The following KCNAB2 variants were observed in gnomAD, a reference collection of about 807,000 sequenced individuals.
The protein encoded by KCNAB2 is voltage-gated potassium channel subunit beta-2.
A neutral mutation model predicts 63.6 loss-of-function variants in KCNAB2; 29 were observed. The observed-to-expected ratio is 0.46, with a 90% CI of 0.34 to 0.62. The LOEUF (loss-of-function observed/expected upper bound fraction) is 0.62. Among genes scored for constraint, KCNAB2 ranks in the 20% least tolerant of loss-of-function variants. The probability of loss-of-function intolerance (pLI) is 0.01; values close to 1 mark genes in which losing one functional copy is unlikely to be tolerated. For synonymous variants in KCNAB2, 222 were observed against 224.2 expected, an observed-to-expected ratio of 0.99 and a Z score of 0.09; for missense variants, 359 against 563.9, an observed-to-expected ratio of 0.64 and a Z score of 3.68.
rs1207445497 is a variant in KCNAB2, at chr1:6,028,561, C to T, written c.-52-11956C>T. Among the ~76,000 whole-genome samples, 1 of 152,192 alleles carries T rather than the reference C, an allele frequency of 6.6e-6. No individual in the cohort carries two copies. Among genetic ancestry groups the T allele is most frequent in the Non-Finnish European group, 1.5e-5 (1 of 68,026 alleles). On this transcript the variant is annotated intron_variant, in intron 1 of 16. Transcript: ENST00000341524. This position sits in a 1 kb window ranked among gnomAD's most constrained non-coding sequence, Gnocchi z 4.0. ...AGCCCCCCTCTCTCCATCCCTTCTG[C>T]GATGTTCACTAGGCATTACCACATG...
At chr1:6,085,058 T>A in intron 5 of KCNAB2, 146 bp from the exon 6 acceptor site, 1 of 777,420 alleles carries the variant, frequency 1.3e-6, no homozygotes, top group Non-Finnish European at 2.3e-6. Flanking sequence ...TGGAATGAGC[T>A]ACTGAGCCAA....
chr1:6,077,452 C>G (rs1663760280), intron 4 of KCNAB2, among the ~76,000 whole-genome samples: 2 of 152,228 alleles, frequency 1.3e-5, no homozygotes, highest in Non-Finnish European at 2.9e-5. Context: ...AGGCGCCACC[C>G]TGGATGTAGC....
intron 1 of KCNAB2, among the ~76,000 whole-genome samples, chr1:6,000,788 G>T (rs191745129): frequency 6.6e-6 from 1 of 152,300 alleles, no homozygotes; most frequent in Non-Finnish European, 1.5e-5. Context: ...CCTCTCCAGG[G>T]CAGTGCTACA....
At chr1:5,995,409 G>A (rs1401317326) in intron 1 of KCNAB2, among the ~76,000 whole-genome samples, 1 of 152,234 alleles carries the variant, frequency 6.6e-6, no homozygotes, top group Non-Finnish European at 1.5e-5. Context: ...CCGAGCTGGG[G>A]GAAGCCAGCA....
chr1:6,096,805 C>A lies in KCNAB2; in HGVS notation c.1069+49C>A. The A allele has an allele frequency of 7.3e-6, 11 of 1,504,950 alleles. No homozygotes were observed. Among genetic ancestry groups the A allele is most frequent in the Non-Finnish European group, 9.8e-6 (11 of 1,119,496 alleles). The allele number at this position is 1,504,950 out of a possible 1,614,324, so 93.2% of individuals were successfully genotyped here. A position where few individuals can be genotyped will look rare whatever the true frequency, so the allele number is the denominator to read the frequency against. On this transcript the variant is annotated intron_variant, in intron 14 of 15. Coordinates refer to ENST00000378083, the MANE Select transcript of KCNAB2 (RefSeq NM_001199862.2). The surrounding 1 kb of genome is among the most constrained non-coding windows in gnomAD (Gnocchi z 5.9). Reference sequence around the variant, plus strand: ...CCAGTGCCCCTGGGGAGAACCTGCCCCAGCTGGCCGTAGGTAACAGGGTGG... The same window carrying A: ...CCAGTGCCCCTGGGGAGAACCTGCCACAGCTGGCCGTAGGTAACAGGGTGG...
chr1:6,086,337 C>T lies in KCNAB2; in HGVS notation c.425+1089C>T. ...TGATCCCAAAACAAATTCCTCCTCA[C>T]CCTGTAATTAAACGAAATTGCACGT... On this transcript the variant is annotated intron_variant, in intron 6 of 15. Transcript: ENST00000378083. The surrounding 1 kb of genome is among the most constrained non-coding windows in gnomAD (Gnocchi z 4.2). 1 of 985,296 alleles carries T rather than the reference C, an allele frequency of 1.0e-6. No individual in the cohort carries two copies. Among genetic ancestry groups the T allele is most frequent in the Non-Finnish European group, 1.2e-6 (1 of 829,896 alleles). The allele number at this position is 985,296 out of a possible 1,614,324, so 61.0% of individuals were successfully genotyped here. A position where few individuals can be genotyped will look rare whatever the true frequency, so the allele number is the denominator to read the frequency against.
intron 1 of KCNAB2, 22 bp from the exon 2 acceptor site, chr1:6,051,489 T>G: frequency 6.8e-7 from 1 of 1,473,968 alleles, no homozygotes; most frequent in African/African-American, 1.4e-5. Flanking sequence ...GCACACTGTC[T>G]AACTCATCAC....
chr1:6,042,467 G>A (rs1660573096), upstream of KCNAB2, among the ~76,000 whole-genome samples: 1 of 152,238 alleles, frequency 6.6e-6, no homozygotes, highest in Non-Finnish European at 1.5e-5. Flanking sequence ...CAAGATGCCA[G>A]GCTTAGGGCC....
At chr1:6,077,093 G>A (rs2100682244) in intron 4 of KCNAB2, among the ~76,000 whole-genome samples, 1 of 152,264 alleles carries the variant, frequency 6.6e-6, no homozygotes, top group Non-Finnish European at 1.5e-5. Context: ...GGCTGAGGCA[G>A]GAGAATTGCT....
At chr1:5,993,428 C>A (rs1262166927) in intron 1 of KCNAB2, among the ~76,000 whole-genome samples, 1 of 152,130 alleles carries the variant, frequency 6.6e-6, no homozygotes, top group Non-Finnish European at 1.5e-5. Context: ...GCACACACAC[C>A]GCCACTTCTG....
chr1:6,087,513 T>C lies in KCNAB2; in HGVS notation c.470+2T>C. On this transcript the variant is annotated splice_donor_variant, in intron 7 of 15. Transcript: ENST00000378083. LOFTEE classifies it high-confidence loss of function. The surrounding 1 kb of genome is among the most constrained non-coding windows in gnomAD (Gnocchi z 6.4). The stretch of plus-strand genomic sequence containing the variant: ...CACCAAGATCTTCTGGGGCGGAAAG[T>C]AGGTGCAACAGCTGGCGATGCTTCC... The C allele has an allele frequency of 6.2e-7, 1 of 1,613,950 alleles. No homozygotes were observed. Among genetic ancestry groups the C allele is most frequent in the Non-Finnish European group, 8.5e-7 (1 of 1,179,944 alleles).
At chr1:6,094,596 G>C in intron 11 of KCNAB2, 111 bp downstream of exon 11, 2 of 810,872 alleles carry the variant, frequency 2.5e-6, no homozygotes, top group Non-Finnish European at 4.0e-6. Context: ...CAACTGCACC[G>C]ATGCCTGGGT....
At chr1:6,059,487 G>A (rs970846717) in intron 2 of KCNAB2, among the ~76,000 whole-genome samples, 3 of 152,178 alleles carry the variant, frequency 2.0e-5, no homozygotes, top group Admixed American at 2.0e-4. Flanking sequence ...ACTGTGCCCA[G>A]CCACACCTGT....
intron 10 of KCNAB2, among the ~76,000 whole-genome samples, chr1:6,093,565 C>T (rs985330441): frequency 1.3e-5 from 2 of 152,246 alleles, no homozygotes; most frequent in Non-Finnish European, 2.9e-5. Flanking sequence ...ATTTCATCCT[C>T]AGGGCCTTAG....
intron 1 of KCNAB2, among the ~76,000 whole-genome samples, chr1:6,037,769 G>A (rs1330269497): frequency 3.3e-5 from 5 of 151,950 alleles, no homozygotes; most frequent in African/African-American, 1.2e-4. Flanking sequence ...CAGCCCCCCA[G>A]TGCTGCAGGG....
At chr1:6,054,498 C>T (rs146829798) in intron 2 of KCNAB2, among the ~76,000 whole-genome samples, 1 of 152,080 alleles carries the variant, frequency 6.6e-6, no homozygotes, top group African/African-American at 2.4e-5. Flanking sequence ...GTCGTGGTGG[C>T]GGGCACCTGT....
At chr1:6,041,284 G>A (rs1660478516), upstream of KCNAB2, 1 of 163,778 alleles carries the variant, frequency 6.1e-6, no homozygotes, top group Admixed American at 6.0e-5. Flanking sequence ...AAAGACGCAG[G>A]CACAGGCAGT....
In KCNAB2 at chr1:6,096,455, A is replaced by T; in HGVS notation, c.949-181A>T. Reference sequence around the variant, plus strand: ...TCATCCACCAGCCCGTGCCCGGCCCACTGCCCACTCTCCCCTACTTGAGAG... The same window carrying T: ...TCATCCACCAGCCCGTGCCCGGCCCTCTGCCCACTCTCCCCTACTTGAGAG... On this transcript the variant is annotated intron_variant, in intron 13 of 15. Coordinates refer to ENST00000378083, the MANE Select transcript of KCNAB2 (RefSeq NM_001199862.2). This position sits in a 1 kb window ranked among gnomAD's most constrained non-coding sequence, Gnocchi z 5.9. The T allele has an allele frequency of 1.3e-6, 1 of 791,312 alleles. No homozygotes were observed. The highest frequency in any genetic ancestry group is 2.0e-6 in the Non-Finnish European group (1 of 506,288). 49.0% of individuals were successfully genotyped at this position (791,312 alleles called of 1,614,324 possible). A position where few individuals can be genotyped will look rare whatever the true frequency, so the allele number is the denominator to read the frequency against.
At chr1:6,011,220 G>T (rs575793567) in intron 1 of KCNAB2, among the ~76,000 whole-genome samples, 1 of 152,356 alleles carries the variant, frequency 6.6e-6, no homozygotes, top group South Asian at 2.1e-4. Flanking sequence ...AGGGAAACAG[G>T]CAGGCAGCTG....
Sources: allele counts gnomAD v4.1 joint callset (sites outside exome capture counted in the v4.1 genomes callset), GRCh38; gene constraint gnomAD v4.1.1; non-coding constraint Gnocchi (gnomAD v3.1); transcripts MANE v1.5; gene names NCBI Gene and HGNC (gene_info 2026-07-23, HGNC 2026-07-21).